The following CACNA1E variants were observed in gnomAD, a reference collection of about 807,000 sequenced individuals.
CACNA1E encodes voltage-dependent R-type calcium channel subunit alpha-1E.
A neutral mutation model predicts 259.2 loss-of-function variants in CACNA1E; 40 were observed. The ratio of observed to expected loss-of-function variants is 0.15; its 90% CI spans 0.12 to 0.20. The LOEUF is 0.20. CACNA1E is among the 10% of genes least tolerant of loss of function. The probability of loss-of-function intolerance (pLI) is 1.00; values close to 1 mark genes in which losing one functional copy is unlikely to be tolerated. For synonymous variants in CACNA1E, 1,104 were observed against 1,138.5 expected (o/e 0.97, Z 0.61); for missense variants, 1,874 against 3,040.1 (o/e 0.62, Z 9.02).
rs186969790 is a variant in CACNA1E at position 181,612,073 on chromosome 1, C to T, written c.951+31297C>T. On this transcript the variant is annotated intron_variant, in intron 6 of 47. Transcript: ENST00000367573. Reference sequence around the variant, plus strand: ...AGTCTTCCTGTCCCAGGAGAAAACACGACACTTGAGATTACCATACCCAAA... The same window carrying T: ...AGTCTTCCTGTCCCAGGAGAAAACATGACACTTGAGATTACCATACCCAAA... Among the ~76,000 whole-genome samples the T allele has an allele frequency of 2.0e-3, 306 of 152,328 alleles. 2 individuals are homozygous for T. The highest frequency in any genetic ancestry group is 3.2e-3 in the Non-Finnish European group (217 of 68,028).
intron 7 of CACNA1E, among the ~76,000 whole-genome samples, chr1:181,670,511 C>T (rs2102194254): frequency 6.6e-6 from 1 of 152,242 alleles, no homozygotes; most frequent in East Asian, 1.9e-4. Flanking sequence ...CACTGAGATG[C>T]CGTGTTCCAC....
intron 16 of CACNA1E, among the ~76,000 whole-genome samples, chr1:181,723,453 G>A (rs1654595281): frequency 6.6e-6 from 1 of 152,160 alleles, no homozygotes; most frequent in African/African-American, 2.4e-5. Flanking sequence ...AATTAATGCA[G>A]AAGACTTCTG....
Position 181,698,541 on chromosome 1 carries a change from T to C in CACNA1E, c.1056-12413T>C, listed in dbSNP as rs576695544. 2.5e-4 allele frequency among the ~76,000 whole-genome samples: 38 copies of C among 152,312 alleles called. No homozygotes were observed. The South Asian group carries it at 7.7e-3, about 31-fold the overall frequency. On this transcript the variant is annotated intron_variant, in intron 7 of 47. Transcript: ENST00000367573. ...CAAAGATAGGTGTAATGAGTCCCAA[T>C]ACAGTTTTTATTTTTACAATACCAC...
intron 3 of CACNA1E, among the ~76,000 whole-genome samples, chr1:181,548,384 C>T (rs532834352): frequency 6.6e-6 from 1 of 152,238 alleles, no homozygotes; most frequent in African/African-American, 2.4e-5. Context: ...CGTTGGCCTC[C>T]CAAAGTGCTG....
At chr1:181,765,115 C>T (rs1235960880) in intron 34 of CACNA1E, among the ~76,000 whole-genome samples, 1 of 152,094 alleles carries the variant, frequency 6.6e-6, no homozygotes, top group African/African-American at 2.4e-5. Context: ...AAGCAGAGAG[C>T]CACACGATAT....
intron 7 of CACNA1E, among the ~76,000 whole-genome samples, chr1:181,664,364 CT>C (rs1271343239): frequency 6.6e-6 from 1 of 152,216 alleles, no homozygotes; most frequent in Admixed American, 6.5e-5. Context: ...GTGCCAAACA[CT>C]GTTCTCTAGA....
intron 1 of CACNA1E, among the ~76,000 whole-genome samples, chr1:181,486,979 C>G (rs1010875277): frequency 1.3e-5 from 2 of 151,638 alleles, no homozygotes; most frequent in African/African-American, 4.8e-5. Flanking sequence ...TTAATATGCT[C>G]ATTAAAGTTT....
intron 6 of CACNA1E, among the ~76,000 whole-genome samples, chr1:181,593,335 G>C (rs17496518): frequency 0.026 from 3,905 of 152,250 alleles, 77 homozygotes; most frequent in Non-Finnish European, 0.036. Flanking sequence ...CTTAGCATCA[G>C]TTTGCTGTGT....
intron 29 of CACNA1E, 46 bp from the exon 30 acceptor site, chr1:181,756,879 C>A: frequency 7.7e-7 from 1 of 1,293,148 alleles, no homozygotes; most frequent in Non-Finnish European, 1.1e-6. Context: ...CTAACGAAGC[C>A]AAGACTGTCA....
chr1:181,710,471 A>G (rs563630900), intron 7 of CACNA1E, among the ~76,000 whole-genome samples: 1 of 152,318 alleles, frequency 6.6e-6, no homozygotes, highest in South Asian at 2.1e-4. Context: ...TTTTAATAGT[A>G]TTAATACTTC....
chr1:181,658,992 G>T (rs1235139417), intron 7 of CACNA1E, among the ~76,000 whole-genome samples: 1 of 151,984 alleles, frequency 6.6e-6, no homozygotes, highest in Non-Finnish European at 1.5e-5. Flanking sequence ...AAGATTGTGA[G>T]CTTTCTCCTT....
intron 1 of CACNA1E, among the ~76,000 whole-genome samples, chr1:181,500,903 A>T (rs573041837): frequency 2.0e-5 from 3 of 152,258 alleles, no homozygotes; most frequent in African/African-American, 7.2e-5. Context: ...CAGTTCCATG[A>T]TGCTGGTGTT....
At chr1:181,559,174 G>A (rs1402546345) in intron 3 of CACNA1E, among the ~76,000 whole-genome samples, 1 of 152,166 alleles carries the variant, frequency 6.6e-6, no homozygotes, top group Non-Finnish European at 1.5e-5. Context: ...GAAAGGTTTG[G>A]GCTGTTACTG....
intron 12 of CACNA1E, among the ~76,000 whole-genome samples, chr1:181,719,166 C>T (rs763989944): frequency 5.3e-5 from 8 of 152,102 alleles, no homozygotes; most frequent in Non-Finnish European, 1.2e-4. Flanking sequence ...TTTCTCCTAG[C>T]ACAATATCTA....
chr1:181,665,525 T>C (rs1191213447), intron 7 of CACNA1E, among the ~76,000 whole-genome samples: 1 of 152,158 alleles, frequency 6.6e-6, no homozygotes, highest in African/African-American at 2.4e-5. Context: ...GTGAAATAAG[T>C]TCTGGTGTTC....
intron 1 of CACNA1E, among the ~76,000 whole-genome samples, chr1:181,351,712 C>A (rs781398581): frequency 1.3e-5 from 2 of 152,180 alleles, no homozygotes; most frequent in Non-Finnish European, 2.9e-5. Context: ...CCATGTCTGC[C>A]TCCACAGTCA....
At chr1:181,562,585 G>T (rs1020792686) in intron 3 of CACNA1E, among the ~76,000 whole-genome samples, 1 of 152,080 alleles carries the variant, frequency 6.6e-6, no homozygotes, top group East Asian at 1.9e-4. Flanking sequence ...TCTTAGCCTC[G>T]TTTCTTTCAC....
chr1:181,396,512 A>G (rs1469459781), intron 1 of CACNA1E, among the ~76,000 whole-genome samples: 1 of 152,234 alleles, frequency 6.6e-6, no homozygotes, highest in Non-Finnish European at 1.5e-5. Flanking sequence ...TGAGACAGTG[A>G]ATAGAAATGA....
chr1:181,707,570 G>A (rs72735212), intron 7 of CACNA1E, among the ~76,000 whole-genome samples: 18,761 of 152,084 alleles, frequency 0.12, 1,255 homozygotes, highest in Admixed American at 0.18. Context: ...GTCATTCTGG[G>A]GGCCTTATAA....
Sources: gnomAD v4.1 joint callset for allele counts (sites outside exome capture counted in the v4.1 genomes callset) on GRCh38, gnomAD v4.1.1 for gene constraint, MANE v1.5 for transcripts, NCBI Gene and HGNC (gene_info 2026-07-23, HGNC 2026-07-21) for gene names.